Variants in SORD observed in about 807,000 individuals in gnomAD.
SORD encodes the protein sorbitol dehydrogenase.
Under a neutral mutation model 35.6 loss-of-function variants are expected in SORD, and 18 were observed. The observed-to-expected ratio is 0.51, with a 90% confidence interval of 0.35 to 0.75. The LOEUF (loss-of-function observed/expected upper bound fraction) is 0.75, where lower values mean the gene tolerates loss of function less well. SORD is among the 30% of genes least tolerant of loss of function. The pLI is 0.01. For synonymous variants in SORD, 106 were observed against 152.9 expected (o/e 0.69, Z 2.26); for missense variants, 250 against 390.2 (o/e 0.64, Z 3.03).
Position 45,068,255 on chromosome 15 carries a change from T to C in SORD, c.610+9T>C. The C allele has an allele frequency of 6.2e-7, 1 of 1,603,496 alleles. No individual in the cohort carries two copies. Among genetic ancestry groups the C allele is most frequent in the Non-Finnish European group, 8.5e-7 (1 of 1,170,384 alleles). Reference sequence around the variant, plus strand: ...TCAAGTAGTGGTGACTGGTAAGACTTTGTTCTTTATCAATCTCCTTGACTG... The same window carrying C: ...TCAAGTAGTGGTGACTGGTAAGACTCTGTTCTTTATCAATCTCCTTGACTG... On this transcript the variant is annotated intron_variant, in intron 6 of 8. Transcript: ENST00000267814.
chr15:45,028,882 C>T (rs1290960642), intron 1 of SORD, among the ~76,000 whole-genome samples: 5 of 152,182 alleles, frequency 3.3e-5, no homozygotes, highest in African/African-American at 9.6e-5. Flanking sequence ...GGGTGAGAAG[C>T]GGATGGTATA....
chr15:45,069,029 G>C lies in SORD; in HGVS notation c.763G>C (p.Ala255Pro), dbSNP rs141753497. ...EVTIECTGAE[A>P]SIQAGIYATR... Reference sequence around the variant, plus strand: ...CACCATCGAGTGCACGGGGGCAGAGGCCTCCATCCAGGCGGGCATCTACGT... The same window carrying C: ...CACCATCGAGTGCACGGGGGCAGAGCCCTCCATCCAGGCGGGCATCTACGT... The change falls in exon 7 of 9, where the codon GCC (alanine) becomes CCC (proline). Residue 255 changes from alanine (A) to proline (P), a missense_variant. By Grantham distance (27) the Ala-to-Pro change is conservative (BLOSUM62 -1). Transcript: ENST00000267814. 6.2e-7 allele frequency: 1 copy of C among 1,611,046 alleles called. No homozygotes were observed. Among genetic ancestry groups the C allele is most frequent in the South Asian group, 1.1e-5 (1 of 90,370 alleles).
chr15:45,039,366 G>T (rs1161237162), intron 1 of SORD, among the ~76,000 whole-genome samples: 1 of 152,164 alleles, frequency 6.6e-6, no homozygotes, highest in Non-Finnish European at 1.5e-5. Flanking sequence ...GACCTCAAGT[G>T]ATCCGCCCGC....
chr15:45,029,101 A>C (rs202100278), intron 1 of SORD, among the ~76,000 whole-genome samples: 31,248 of 150,916 alleles, frequency 0.21, no homozygotes, highest in African/African-American at 0.44. Flanking sequence ...GAATGTGAAA[A>C]TCCTCCAGAA....
rs531781631 is a variant in SORD, at chr15:45,032,009, T to A, written c.67-8399T>A. Among the ~76,000 whole-genome samples, 4 of 121,900 alleles carry A rather than the reference T, an allele frequency of 3.3e-5. No individual in the cohort carries two copies. The East Asian group carries it at 8.6e-4, about 26-fold the overall frequency. 80.0% of individuals were successfully genotyped at this position (121,900 alleles called of 152,430 possible). On this transcript the variant is annotated intron_variant, in intron 1 of 8. Transcript: ENST00000267814. ...CCCTGAAAAAAGTTTTGTCACATGC[T>A]GTGTTAAAAATAAACCTTGAGAATA...
chr15:45,061,003 C>T (rs918761283), intron 3 of SORD, 64 bp from the exon 4 acceptor site: 31 of 1,605,800 alleles, frequency 1.9e-5, no homozygotes, highest in Middle Eastern at 1.6e-4. Context: ...AAGAACCAGA[C>T]CAAAGAGCGG....
intron 1 of SORD, among the ~76,000 whole-genome samples, chr15:45,034,481 A>G (rs1372624947): frequency 6.6e-6 from 1 of 152,240 alleles, no homozygotes; most frequent in Non-Finnish European, 1.5e-5. Context: ...GGAAATATAT[A>G]TTTAGGCTAA....
intron 1 of SORD, among the ~76,000 whole-genome samples, chr15:45,028,690 G>A (rs529703810): frequency 5.9e-5 from 9 of 152,320 alleles, no homozygotes; most frequent in South Asian, 4.1e-4. Context: ...AACATTACTC[G>A]GAGGTCCATG....
intron 1 of SORD, among the ~76,000 whole-genome samples, chr15:45,035,151 C>T (rs1892842390): frequency 3.3e-5 from 5 of 152,192 alleles, no homozygotes; most frequent in Admixed American, 6.5e-5. Context: ...CCTGAGCCTC[C>T]CCGACGAGTG....
chr15:45,023,370 G>C, intron 1 of SORD, 21 bp downstream of exon 1: 2 of 1,547,480 alleles, frequency 1.3e-6, no homozygotes, highest in Non-Finnish European at 1.7e-6. Flanking sequence ...AAGGAGGGTG[G>C]GAAGCATACC....
intron 3 of SORD, among the ~76,000 whole-genome samples, chr15:45,045,838 TA>T (rs1893039180): frequency 6.6e-6 from 1 of 152,054 alleles, no homozygotes; most frequent in Non-Finnish European, 1.5e-5. Flanking sequence ...ACCCTGTCTC[TA>T]CAAAAAATAG....
At chr15:45,035,964 C>G (rs1566957939) in intron 1 of SORD, among the ~76,000 whole-genome samples, 1 of 151,704 alleles carries the variant, frequency 6.6e-6, no homozygotes, top group African/African-American at 2.4e-5. Context: ...AACTGTAACA[C>G]TCACGGCGAA....
chr15:45,039,594 C>T lies in SORD; in HGVS notation c.67-814C>T, dbSNP rs183232468. Among the ~76,000 whole-genome samples the T allele has an allele frequency of 7.9e-4, 121 of 152,354 alleles. 1 individual carries two copies. In the Middle Eastern group the frequency reaches 0.01, roughly 13 times the overall value. On this transcript the variant is annotated intron_variant, in intron 1 of 8. Transcript: ENST00000267814. ...CTGCTGCTACTGCTACTACTACTAG[C>T]TGTGAACACCAGAATAGCTCAGATT...
At chr15:45,071,464 G>A (rs1485568755) in intron 7 of SORD, among the ~76,000 whole-genome samples, 1 of 152,084 alleles carries the variant, frequency 6.6e-6, no homozygotes, top group Non-Finnish European at 1.5e-5. Flanking sequence ...TATGATCGTG[G>A]TGTATCCTTC....
intron 1 of SORD, among the ~76,000 whole-genome samples, chr15:45,024,950 G>A (rs397795893): frequency 6.6e-6 from 1 of 152,270 alleles, no homozygotes; most frequent in Non-Finnish European, 1.5e-5. Flanking sequence ...TGCACCTAAG[G>A]TGCAGAAACA....
intron 1 of SORD, among the ~76,000 whole-genome samples, chr15:45,023,569 C>G (rs1010487715): frequency 6.6e-6 from 1 of 152,220 alleles, no homozygotes; most frequent in African/African-American, 2.4e-5. Flanking sequence ...GAACCTAGCC[C>G]CGTGGCTGGC....
intron 2 of SORD, among the ~76,000 whole-genome samples, chr15:45,040,932 C>T (rs1179100250): frequency 6.6e-6 from 1 of 152,218 alleles, no homozygotes; most frequent in Non-Finnish European, 1.5e-5. Context: ...TGTGGGGCAG[C>T]CCAGGACCTA....
intron 3 of SORD, among the ~76,000 whole-genome samples, chr15:45,048,139 C>G (rs189532552): frequency 6.6e-6 from 1 of 152,304 alleles, no homozygotes; most frequent in East Asian, 1.9e-4. Context: ...TCCTACCTGT[C>G]TCCCTTTCCT....
chr15:45,033,556 A>C (rs1437562596), intron 1 of SORD, among the ~76,000 whole-genome samples: 2 of 149,396 alleles, frequency 1.3e-5, no homozygotes, highest in African/African-American at 4.9e-5. Context: ...ACTGCAATTT[A>C]ATTTAAAAGA....
Sources: gnomAD v4.1 joint callset for allele counts (sites outside exome capture counted in the v4.1 genomes callset) on GRCh38, gnomAD v4.1.1 for gene constraint, MANE v1.5 for transcripts, NCBI Gene and HGNC (gene_info 2026-07-23, HGNC 2026-07-21) for gene names.